Variants in IQCJ observed in about 807,000 individuals in gnomAD.
IQCJ encodes the protein IQ motif containing J.
A neutral mutation model predicts 11.0 loss-of-function variants in IQCJ; 9 were observed. The ratio of observed to expected loss-of-function variants is 0.82; its 90% confidence interval spans 0.49 to 1.43. The LOEUF (loss-of-function observed/expected upper bound fraction) is 1.43. IQCJ is among the 40% of genes most tolerant of loss of function. The pLI is 0.00. For missense variants in IQCJ, 146 were observed against 133.2 expected, an observed-to-expected ratio of 1.10 and a Z score of -0.47; for synonymous variants, 55 against 51.3, an observed-to-expected ratio of 1.07 and a Z score of -0.31.
At chr3:159,145,678 C>T (rs1720889824) in intron 1 of IQCJ, among the ~76,000 whole-genome samples, 2 of 151,634 alleles carry the variant, frequency 1.3e-5, no homozygotes, top group South Asian at 4.2e-4. Context: ...ATTTTTTCAT[C>T]TCTCCAACTT....
Position 159,263,494 on chromosome 3 carries a change from T to G in IQCJ, c.*763T>G, listed in dbSNP as rs1011959266. 3 of 984,434 alleles carry G rather than the reference T, an allele frequency of 3.0e-6. No individual in the cohort carries two copies. The Admixed American group carries it at 1.8e-4, about 61-fold the overall frequency. The allele number at this position is 984,434 out of a possible 1,614,324, so 61.0% of individuals were successfully genotyped here. A position where few individuals can be genotyped will look rare whatever the true frequency, so the allele number is the denominator to read the frequency against. ...GAAGAAATCAGTGATGAGGGATTTATGAACCAGGATTTTGTGGATTTAAGC... is the reference window on the plus strand; with the variant it reads ...GAAGAAATCAGTGATGAGGGATTTAGGAACCAGGATTTTGTGGATTTAAGC... On this transcript the variant is annotated 3_prime_UTR_variant, in exon 4 of 4. Coordinates refer to ENST00000397832, the MANE Select transcript of IQCJ (RefSeq NM_001042706.3).
intron 1 of IQCJ, among the ~76,000 whole-genome samples, chr3:159,167,593 A>G (rs1722242951): frequency 6.6e-6 from 1 of 152,194 alleles, no homozygotes; most frequent in Non-Finnish European, 1.5e-5. Flanking sequence ...TGGACATTTA[A>G]AGCGTCATGA....
At chr3:159,070,345 A>G (rs895554225) in intron 1 of IQCJ, among the ~76,000 whole-genome samples, 2 of 152,100 alleles carry the variant, frequency 1.3e-5, no homozygotes, top group South Asian at 2.1e-4. Context: ...ATTGGGTGAG[A>G]TTTACATCCT....
chr3:159,165,011 A>G (rs1438344225), intron 1 of IQCJ, among the ~76,000 whole-genome samples: 1 of 152,176 alleles, frequency 6.6e-6, no homozygotes, highest in African/African-American at 2.4e-5. Context: ...CAGTACTTGT[A>G]TTTACATCTT....
intron 1 of IQCJ, among the ~76,000 whole-genome samples, chr3:159,186,192 G>C (rs1037161586): frequency 6.6e-6 from 1 of 152,120 alleles, no homozygotes; most frequent in African/African-American, 2.4e-5. Flanking sequence ...GGGTGAGTCT[G>C]ATTGGTCTAT....
At chr3:159,073,390 C>G (rs551710877) in intron 1 of IQCJ, among the ~76,000 whole-genome samples, 1 of 151,982 alleles carries the variant, frequency 6.6e-6, no homozygotes, top group Non-Finnish European at 1.5e-5. Flanking sequence ...AGGAACTTAG[C>G]GGTAAGGTGA....
chr3:159,223,317 T>C (rs886105776), intron 1 of IQCJ, among the ~76,000 whole-genome samples: 2 of 152,108 alleles, frequency 1.3e-5, no homozygotes, highest in African/African-American at 4.8e-5. Context: ...AGCGGCCATA[T>C]GCAATTATAT....
chr3:159,227,459 C>T lies in IQCJ; in HGVS notation c.10-18384C>T, dbSNP rs184726512. 5.8e-4 allele frequency among the ~76,000 whole-genome samples: 89 copies of T among 152,138 alleles called. 1 individual carries two copies. In the South Asian group the frequency reaches 0.011, roughly 18 times the overall value. Reference sequence around the variant, plus strand: ...AAGATTCTTTCCTTTAAGGGGATATCCAAGAATACACTGGGCTTTGTTCAA... The same window carrying T: ...AAGATTCTTTCCTTTAAGGGGATATTCAAGAATACACTGGGCTTTGTTCAA... On this transcript the variant is annotated intron_variant, in intron 1 of 3. Transcript: ENST00000397832.
rs930121672 is a variant in IQCJ, at chr3:159,078,784, C to T, written c.9+9343C>T. On this transcript the variant is annotated intron_variant, in intron 1 of 3. Coordinates refer to ENST00000397832, the MANE Select transcript of IQCJ (RefSeq NM_001042706.3). ...AGGTAGATCTAGTTTCTCATTTTGC[C>T]TCTAGTCCTTACTAGCCATATAATC... is the stretch of plus-strand genomic sequence containing the variant. 1.1e-4 allele frequency among the ~76,000 whole-genome samples: 16 copies of T among 152,078 alleles called. No homozygotes were observed. In the South Asian group the frequency reaches 3.3e-3, roughly 32 times the overall value.
intron 1 of IQCJ, among the ~76,000 whole-genome samples, chr3:159,232,933 C>T (rs1726349243): frequency 6.6e-6 from 1 of 152,132 alleles, no homozygotes; most frequent in Non-Finnish European, 1.5e-5. Context: ...GACAGATCTT[C>T]TGGGACAGAT....
At chr3:159,219,765 C>T (rs917141177) in intron 1 of IQCJ, among the ~76,000 whole-genome samples, 2 of 152,010 alleles carry the variant, frequency 1.3e-5, no homozygotes, top group Non-Finnish European at 2.9e-5. Flanking sequence ...GTTAGTGGAC[C>T]TATATTCTAC....
intron 1 of IQCJ, among the ~76,000 whole-genome samples, chr3:159,180,129 A>G (rs780374665): frequency 6.6e-6 from 1 of 152,228 alleles, no homozygotes; most frequent in Non-Finnish European, 1.5e-5. Context: ...TATTCCTGTA[A>G]TAGACAGGCA....
chr3:159,082,968 A>C (rs555051772), intron 1 of IQCJ, among the ~76,000 whole-genome samples: 40 of 152,246 alleles, frequency 2.6e-4, no homozygotes, highest in African/African-American at 9.6e-4. Context: ...TTACCTCATA[A>C]TGGACCACAG....
chr3:159,235,239 A>G (rs779708844), intron 1 of IQCJ, among the ~76,000 whole-genome samples: 1 of 152,302 alleles, frequency 6.6e-6, no homozygotes, highest in Admixed American at 6.5e-5. Context: ...TTGAATTTTT[A>G]TAGTTGTCCT....
chr3:159,137,505 G>T (rs1559999115), intron 1 of IQCJ, among the ~76,000 whole-genome samples: 1 of 151,988 alleles, frequency 6.6e-6, no homozygotes, highest in Non-Finnish European at 1.5e-5. Context: ...TCAGATTTTT[G>T]TCAGATTCAT....
chr3:159,127,604 T>A (rs1413231010), intron 1 of IQCJ, among the ~76,000 whole-genome samples: 8 of 152,174 alleles, frequency 5.3e-5, no homozygotes, highest in African/African-American at 1.9e-4. Context: ...TGATTTATGT[T>A]TATTAAGGCT....
intron 1 of IQCJ, among the ~76,000 whole-genome samples, chr3:159,241,459 T>G (rs551065358): frequency 6.6e-6 from 1 of 152,198 alleles, no homozygotes; most frequent in East Asian, 1.9e-4. Flanking sequence ...GAATGAAACT[T>G]AAAAGTCCAT....
intron 1 of IQCJ, among the ~76,000 whole-genome samples, chr3:159,188,776 T>C (rs1723518156): frequency 6.6e-6 from 1 of 152,160 alleles, no homozygotes; most frequent in South Asian, 2.1e-4. Flanking sequence ...TGACTTAAAA[T>C]CTAGGGTTAA....
intron 1 of IQCJ, among the ~76,000 whole-genome samples, chr3:159,136,418 A>C (rs140270430): frequency 1.3e-5 from 2 of 152,182 alleles, no homozygotes. Context: ...TGTTCCCCTT[A>C]GAGACCATTT....
Sources: gnomAD v4.1 joint callset for allele counts (sites outside exome capture counted in the v4.1 genomes callset) on GRCh38, gnomAD v4.1.1 for gene constraint, MANE v1.5 for transcripts, NCBI Gene and HGNC (gene_info 2026-07-23, HGNC 2026-07-21) for gene names.